RSF1: variants seen among roughly 807,000 people sequenced by gnomAD.
RSF1 encodes the protein HBV pX-associated protein 8.
A neutral mutation model predicts 145.2 loss-of-function variants in RSF1; 13 were observed. The ratio of observed to expected loss-of-function variants is 0.09; its 90% CI spans 0.06 to 0.14. The LOEUF (loss-of-function observed/expected upper bound fraction) is 0.14. RSF1 is among the 10% of genes least tolerant of loss of function. The pLI, the probability that RSF1 is intolerant of heterozygous loss-of-function variation, is 1.00. For synonymous variants in RSF1, 577 were observed against 592.6 expected (o/e 0.97, Z 0.38); for missense variants, 1,517 against 1,718.2 (o/e 0.88, Z 2.07).
chr11:77,683,644 T>C, intron 11 of RSF1, 66 bp downstream of exon 11: 1 of 1,000,920 alleles, frequency 1.0e-6, no homozygotes, highest in Admixed American at 1.9e-5. Flanking sequence ...CATATACTTC[T>C]GGATCATGCT....
At chr11:77,856,242 A>G in the RSF1 span, among the ~76,000 whole-genome samples, 1 of 152,184 alleles carries the variant, frequency 6.6e-6, no homozygotes, top group Non-Finnish European at 1.5e-5. Context: ...AGCACAAGTA[A>G]CCTTTACACT....
chr11:77,799,673 C>A (rs1342820470), intron 1 of RSF1, among the ~76,000 whole-genome samples: 1 of 151,998 alleles, frequency 6.6e-6, no homozygotes, highest in East Asian at 1.9e-4. Flanking sequence ...TATGAATTTG[C>A]CTATTCTGAA....
At position 77,663,115 on chromosome 11, in the gene RSF1, G is replaced by A. The variant is rs561713458; in HGVS notation, c.*3802C>T. The A allele has an allele frequency of 1.3e-5, 2 of 152,324 alleles. No homozygotes were observed. The highest frequency in any genetic ancestry group is 4.1e-4 in the South Asian group (2 of 4,830). 9.4% of individuals were successfully genotyped at this position (152,324 alleles called of 1,614,324 possible). A position where few individuals can be genotyped will look rare whatever the true frequency, so the allele number is the denominator to read the frequency against. ...AGGCATCACCTTGAATAACGGGCCT[G>A]TTCCACTGTACTGGTAAAGAGCGGA... On this transcript the variant is annotated 3_prime_UTR_variant, in exon 16 of 16. Coordinates refer to ENST00000308488, the MANE Select transcript of RSF1 (RefSeq NM_016578.4).
At chr11:77,797,749 T>C (rs1948587055) in intron 1 of RSF1, among the ~76,000 whole-genome samples, 1 of 152,192 alleles carries the variant, frequency 6.6e-6, no homozygotes, top group Non-Finnish European at 1.5e-5. Flanking sequence ...GAAAAAATTT[T>C]TGCAATCTAT....
intron 1 of RSF1, among the ~76,000 whole-genome samples, chr11:77,809,424 G>A (rs983250008): frequency 1.3e-5 from 2 of 152,038 alleles, no homozygotes; most frequent in African/African-American, 4.8e-5. Flanking sequence ...AGATAATTAA[G>A]GTTTAAAGGG....
intron 7 of RSF1, among the ~76,000 whole-genome samples, chr11:77,696,772 G>A (rs975924833): frequency 6.6e-6 from 1 of 152,116 alleles, no homozygotes; most frequent in African/African-American, 2.4e-5. Flanking sequence ...GACTTAACTT[G>A]CATAGCCTTG....
the RSF1 span, among the ~76,000 whole-genome samples, chr11:77,845,986 G>C: frequency 6.6e-6 from 1 of 150,868 alleles, no homozygotes; most frequent in Admixed American, 6.6e-5. Context: ...TAATGTCTTT[G>C]TTGTTTTGTT....
At position 77,725,534 on chromosome 11, in the gene RSF1, C is replaced by CA. The variant is rs750231726; in HGVS notation, c.733+10dup. On this transcript the variant is annotated intron_variant, in intron 5 of 15. Coordinates refer to ENST00000308488, the MANE Select transcript of RSF1 (RefSeq NM_016578.4). ...ACAAAACAAAGCAAAACAAAACACA[C>CA]AAAAAAAAACCTTGTTTAGGTGTTT... 1,083 of 1,493,932 alleles carry CA rather than the reference C, an allele frequency of 7.2e-4. No individual in the cohort carries two copies. Among genetic ancestry groups the CA allele is most frequent in the South Asian group, 2.5e-3 (194 of 76,354 alleles). 92.5% of individuals were successfully genotyped at this position (1,493,932 alleles called of 1,614,324 possible). A position where few individuals can be genotyped will look rare whatever the true frequency, so the allele number is the denominator to read the frequency against.
chr11:77,791,651 C>A (rs757664694), intron 1 of RSF1, among the ~76,000 whole-genome samples: 11 of 152,282 alleles, frequency 7.2e-5, no homozygotes, highest in Admixed American at 2.0e-4. Flanking sequence ...TACCCTAAAT[C>A]ATTTCTCTAA....
intron 1 of RSF1, among the ~76,000 whole-genome samples, chr11:77,790,107 A>C (rs1041005764): frequency 5.9e-5 from 9 of 152,184 alleles, no homozygotes; most frequent in African/African-American, 2.2e-4. Context: ...TACTGTATGA[A>C]TCCATTTTCA....
chr11:77,749,654 A>C (rs1469978796), intron 2 of RSF1, among the ~76,000 whole-genome samples: 1 of 152,202 alleles, frequency 6.6e-6, no homozygotes, highest in South Asian at 2.1e-4. Flanking sequence ...GATGATAAAA[A>C]TCCTTTGCCC....
intron 1 of RSF1, among the ~76,000 whole-genome samples, chr11:77,795,615 G>A (rs1315376546): frequency 6.6e-6 from 1 of 152,220 alleles, no homozygotes; most frequent in Non-Finnish European, 1.5e-5. Context: ...CTACACTGGG[G>A]AAAGGACACC....
chr11:77,762,739 C>T (rs1395335457), intron 2 of RSF1: 1 of 152,166 alleles, frequency 6.6e-6, no homozygotes, highest in East Asian at 1.9e-4. Flanking sequence ...AGCAAAGCAA[C>T]AAGGCCTAGC....
chr11:77,747,998 C>T (rs967932248), intron 2 of RSF1, among the ~76,000 whole-genome samples: 1 of 152,006 alleles, frequency 6.6e-6, no homozygotes, highest in African/African-American at 2.4e-5. Flanking sequence ...AGGAGAAGAA[C>T]CAACACAAGG....
chr11:77,830,668 TACACAG>T, the RSF1 span, among the ~76,000 whole-genome samples: 1 of 151,974 alleles, frequency 6.6e-6, no homozygotes. Flanking sequence ...CCGTGTGGGT[TACACAG>T]TGGCACCCCA....
chr11:77,868,515 C>T, the RSF1 span, among the ~76,000 whole-genome samples: 3 of 151,732 alleles, frequency 2.0e-5, no homozygotes, highest in East Asian at 5.8e-4. Context: ...CGCGCCACCA[C>T]ACCCAGCTAA....
chr11:77,847,953 G>C, the RSF1 span, among the ~76,000 whole-genome samples: 1 of 152,014 alleles, frequency 6.6e-6, no homozygotes, highest in Non-Finnish European at 1.5e-5. Flanking sequence ...AAAATGGTGA[G>C]GCAGAAAAAA....
chr11:77,702,031 T>C lies in RSF1; in HGVS notation c.1198A>G (p.Lys400Glu). 1 of 1,613,860 alleles carries C rather than the reference T, an allele frequency of 6.2e-7. No individual in the cohort carries two copies. The highest frequency in any genetic ancestry group is 8.5e-7 in the Non-Finnish European group (1 of 1,179,934). ...KLSDDFDSPVKGPLCKSVTPT... is the reference protein window; with the variant it reads ...KLSDDFDSPVEGPLCKSVTPT... ...GTAACTGATTTACACAAAGGTCCCTTGACTGGACTGTCAAAATCATCACTC... is the reference window on the plus strand; with the variant it reads ...GTAACTGATTTACACAAAGGTCCCTCGACTGGACTGTCAAAATCATCACTC... The change falls in exon 6 of 16, where the codon AAG becomes GAG. Residue 400 changes from lysine to glutamate, a missense_variant. By Grantham distance (56) the Lys-to-Glu change is moderately conservative (BLOSUM62 1). Transcript: ENST00000308488.
chr11:77,760,775 T>A (rs1371165593), intron 2 of RSF1, among the ~76,000 whole-genome samples: 1 of 152,188 alleles, frequency 6.6e-6, no homozygotes, highest in Non-Finnish European at 1.5e-5. Context: ...ATCAAGGCCA[T>A]CTATTGCCAA....
Sources: gnomAD v4.1 joint callset for allele counts (sites outside exome capture counted in the v4.1 genomes callset) on GRCh38, gnomAD v4.1.1 for gene constraint, MANE v1.5 for transcripts, NCBI Gene and HGNC (gene_info 2026-07-23, HGNC 2026-07-21) for gene names.